Variants in PPP6R2 observed in about 807,000 individuals in gnomAD.
The protein encoded by PPP6R2 is protein phosphatase 6 regulatory subunit 2.
PPP6R2 carries 62 observed loss-of-function variants against 100.2 expected under a neutral mutation model. The ratio of observed to expected loss-of-function variants is 0.62; its 90% CI spans 0.50 to 0.76. The LOEUF (loss-of-function observed/expected upper bound fraction) is 0.76, where lower values mean the gene tolerates loss of function less well. PPP6R2 is among the 30% of genes least tolerant of loss of function. The probability of loss-of-function intolerance (pLI) is 0.00; values close to 1 mark genes in which losing one functional copy is unlikely to be tolerated. For synonymous variants in PPP6R2, 525 were observed against 514.7 expected, an observed-to-expected ratio of 1.02 and a Z score of -0.27; for missense variants, 1,142 against 1,276.3, an observed-to-expected ratio of 0.89 and a Z score of 1.60.
At chr22:50,337,936 GC>G in the PPP6R2 span, among the ~76,000 whole-genome samples, 1 of 138,766 alleles carries the variant, frequency 7.2e-6, no homozygotes, top group Non-Finnish European at 1.6e-5. Context: ...TGGGGTGTGT[GC>G]ATGTGTGTGT....
intron 12 of PPP6R2, among the ~76,000 whole-genome samples, chr22:50,433,124 G>A (rs1427900784): frequency 2.6e-5 from 4 of 152,294 alleles, no homozygotes; most frequent in African/African-American, 7.2e-5. Flanking sequence ...CCTGCTGCAC[G>A]TGGCAGGTGC....
At position 50,444,664 on chromosome 22, in the gene PPP6R2, C is replaced by T; in HGVS notation, c.*417C>T. 1 of 209,872 alleles carries T rather than the reference C, an allele frequency of 4.8e-6. No homozygotes were observed. The highest frequency in any genetic ancestry group is 9.4e-6 in the Non-Finnish European group (1 of 105,924). 13.0% of individuals were successfully genotyped at this position (209,872 alleles called of 1,614,324 possible). ...TGTTTTTAAAGAATACAGAAGGAGC[C>T]AAGCTTTTTTGCACTTTGTATCCAG... On this transcript the variant is annotated 3_prime_UTR_variant, in exon 24 of 24. Transcript: ENST00000612753.
intron 4 of PPP6R2, among the ~76,000 whole-genome samples, chr22:50,408,357 G>A (rs2059269243): frequency 6.6e-6 from 1 of 152,166 alleles, no homozygotes; most frequent in Non-Finnish European, 1.5e-5. Flanking sequence ...CACGAAGGCC[G>A]CGGTTCCCCT....
In PPP6R2 at chr22:50,414,650, C is replaced by A. The variant is rs796989202; in HGVS notation, c.513C>A (p.Ser171Arg). Reference protein sequence around the residue: ...ALMDLLLRLVSCVEPAGLRQD... With the variant: ...ALMDLLLRLVRCVEPAGLRQD... ...TGGACCTGCTGCTGCGCCTGGTCAG[C>A]TGTGTGGAGCCAGCCGGGCTCCGGC... is the stretch of plus-strand genomic sequence containing the variant. Residue 171 changes from serine to arginine, a missense_variant, in exon 5 of 24, where the codon AGC (serine) becomes AGA (arginine). This residue lies in a region of PPP6R2 where 592 missense variants were observed against 758.9 expected (regional missense o/e 0.78). Coordinates refer to ENST00000612753, the MANE Select transcript of PPP6R2 (RefSeq NM_001242898.2). 6.2e-7 allele frequency: 1 copy of A among 1,613,406 alleles called. No homozygotes were observed. The highest frequency in any genetic ancestry group is 8.5e-7 in the Non-Finnish European group (1 of 1,179,988).
intron 8 of PPP6R2, among the ~76,000 whole-genome samples, chr22:50,421,876 T>A (rs1220577905): frequency 6.6e-6 from 1 of 151,640 alleles, no homozygotes; most frequent in African/African-American, 2.4e-5. Context: ...TCAAAAAAAA[T>A]AAAAATAAAT....
chr22:50,382,268 C>T (rs551242738), intron 2 of PPP6R2, among the ~76,000 whole-genome samples: 73 of 152,188 alleles, frequency 4.8e-4, no homozygotes, highest in African/African-American at 1.7e-3. Context: ...TTTACCCAAA[C>T]AGCTTTAAAG....
At chr22:50,353,813 C>G (rs985104284) in intron 1 of PPP6R2, among the ~76,000 whole-genome samples, 1 of 136,168 alleles carries the variant, frequency 7.3e-6, no homozygotes, top group Non-Finnish European at 1.5e-5. Flanking sequence ...TCAAAAGCCT[C>G]TCCCTTTTTT....
At chr22:50,383,540 T>C (rs2053561277) in intron 2 of PPP6R2, among the ~76,000 whole-genome samples, 1 of 152,166 alleles carries the variant, frequency 6.6e-6, no homozygotes, top group South Asian at 2.1e-4. Context: ...CATTAAGCCT[T>C]GGCCCCCAAG....
rs568855692 is a variant in PPP6R2, at chr22:50,407,318, G to A, written c.414+443G>A. Reference sequence around the variant, plus strand: ...GCTGAGATCGTACCACTGCACTCCAGCCTGGGCAACAGAGTGAGACTGTCT... The same window carrying A: ...GCTGAGATCGTACCACTGCACTCCAACCTGGGCAACAGAGTGAGACTGTCT... On this transcript the variant is annotated intron_variant, in intron 4 of 23. Transcript: ENST00000612753. 1.5e-3 allele frequency: 264 copies of A among 175,914 alleles called. 1 individual carries two copies. The highest frequency in any genetic ancestry group is 6.0e-3 in the African/African-American group (256 of 42,392). The allele number at this position is 175,914 out of a possible 1,614,324, so 10.9% of individuals were successfully genotyped here. A position where few individuals can be genotyped will look rare whatever the true frequency, so the allele number is the denominator to read the frequency against.
Position 50,438,741 on chromosome 22 carries a change from C to T in PPP6R2, c.2107C>T (p.Pro703Ser), listed in dbSNP as rs146343309. Reference sequence around the variant, plus strand: ...GGCCCCCGGGAAGAAGGAAGCGCCCCCTGTGGAGGGTGACTCAGAAGGTGG... The same window carrying T: ...GGCCCCCGGGAAGAAGGAAGCGCCCTCTGTGGAGGGTGACTCAGAAGGTGG... ...PPAPGKKEAP[P>S]VEGDSEGAMW... Residue 703 changes from proline (P) to serine (S), a missense_variant, in exon 19 of 24, where the codon CCT becomes TCT. Coordinates refer to ENST00000612753, the MANE Select transcript of PPP6R2 (RefSeq NM_001242898.2). 3.0e-5 allele frequency: 48 copies of T among 1,601,266 alleles called. No homozygotes were observed. Among genetic ancestry groups the T allele is most frequent in the Non-Finnish European group, 3.8e-5 (45 of 1,174,262 alleles).
chr22:50,406,649 G>A, intron 3 of PPP6R2, 40 bp from the exon 4 acceptor site: 1 of 1,575,450 alleles, frequency 6.3e-7, no homozygotes, highest in South Asian at 1.1e-5. Flanking sequence ...AGTTGGAGAA[G>A]TCTAATTTCA....
Position 50,418,957 on chromosome 22 carries a change from C to T in PPP6R2, c.709C>T (p.Pro237Ser). Residue 237 changes from proline (P) to serine (S), a missense_variant, in exon 7 of 24, where the codon CCG (proline) becomes TCG (serine). Around this residue, in one of 2 missense-constraint regions of PPP6R2, gnomAD observed 592 missense variants for 758.9 expected, o/e 0.78. Transcript: ENST00000612753. ...GCTGCAAGAGGCTCTGGAGCCAGAC[C>T]CGCTCCTCACAGCGCTGGAGTCGTG... ...SQLQEALEPD[P>S]LLTALESQDC... 6.2e-7 allele frequency: 1 copy of T among 1,613,618 alleles called. No homozygotes were observed. Among genetic ancestry groups the T allele is most frequent in the Non-Finnish European group, 8.5e-7 (1 of 1,179,592 alleles).
chr22:50,400,328 A>T (rs941842672), intron 3 of PPP6R2, among the ~76,000 whole-genome samples: 3 of 152,092 alleles, frequency 2.0e-5, no homozygotes, highest in Admixed American at 1.3e-4. Flanking sequence ...CCTGTGGTAA[A>T]TTACACTCTG....
intron 10 of PPP6R2, among the ~76,000 whole-genome samples, chr22:50,424,415 T>A: frequency 6.7e-6 from 1 of 149,212 alleles, no homozygotes; most frequent in South Asian, 2.1e-4. Flanking sequence ...GTGTGGAAGG[T>A]CCGTCCGCGT....
rs148644886 is a variant in PPP6R2 at position 50,399,325 on chromosome 22, C to T, written c.227+5190C>T. Among the ~76,000 whole-genome samples the T allele has an allele frequency of 2.8e-3, 426 of 152,316 alleles. 1 individual carries two copies. Among genetic ancestry groups the T allele is most frequent in the African/African-American group, 9.4e-3 (391 of 41,570 alleles). ...GCAGGTTGTAAGGTCTCTGTTGCAACGGCTCAACTCTGAAGTTGTAGCATG... is the reference window on the plus strand; with the variant it reads ...GCAGGTTGTAAGGTCTCTGTTGCAATGGCTCAACTCTGAAGTTGTAGCATG... On this transcript the variant is annotated intron_variant, in intron 3 of 23. Coordinates refer to ENST00000612753, the MANE Select transcript of PPP6R2 (RefSeq NM_001242898.2).
At chr22:50,438,038 C>A in intron 17 of PPP6R2, 136 bp from the exon 18 acceptor site, 1 of 1,492,530 alleles carries the variant, frequency 6.7e-7, no homozygotes. Context: ...AGTCGCTTTC[C>A]TTGCCCCTCC....
chr22:50,333,793 T>C, the PPP6R2 span, among the ~76,000 whole-genome samples: 1 of 152,170 alleles, frequency 6.6e-6, no homozygotes, highest in African/African-American at 2.4e-5. Flanking sequence ...TGGGGACCAC[T>C]ACCACCAAGA....
At chr22:50,418,109 T>C (rs1191934749) in intron 6 of PPP6R2, among the ~76,000 whole-genome samples, 1 of 152,214 alleles carries the variant, frequency 6.6e-6, no homozygotes. Flanking sequence ...CAGCTACTTA[T>C]TACCACATTT....
chr22:50,443,277 T>G (rs1246834410), intron 22 of PPP6R2: 1 of 153,528 alleles, frequency 6.5e-6, no homozygotes, highest in Non-Finnish European at 1.4e-5. Context: ...GCGTAAAACT[T>G]GCCACTTAGA....
Sources: allele counts gnomAD v4.1 joint callset (sites outside exome capture counted in the v4.1 genomes callset), GRCh38; gene constraint gnomAD v4.1.1; regional missense constraint gnomAD v4.1.1; transcripts MANE v1.5; gene names NCBI Gene and HGNC (gene_info 2026-07-23, HGNC 2026-07-21).